C6orf132: variants seen among roughly 807,000 people sequenced by gnomAD.
C6orf132 encodes the protein chromosome 6 open reading frame 132.
In C6orf132, 43 loss-of-function variants were observed where a neutral mutation model predicts 65.3. That is an observed-to-expected ratio of 0.66 (90% CI 0.52 to 0.85). C6orf132 has a LOEUF of 0.85. Ranked by LOEUF, C6orf132 falls within the 40% of genes least tolerant of loss-of-function variation. C6orf132 has a pLI of 0.00. For synonymous variants in C6orf132, 631 were observed against 654.1 expected, an observed-to-expected ratio of 0.96 and a Z score of 0.54; for missense variants, 1,488 against 1,548.8, an observed-to-expected ratio of 0.96 and a Z score of 0.66.
chr6:42,107,825 G>A (rs1766438302), intron 3 of C6orf132, among the ~76,000 whole-genome samples: 1 of 152,106 alleles, frequency 6.6e-6, no homozygotes, highest in Non-Finnish European at 1.5e-5. Context: ...AGCCTGTATG[G>A]AATTACCTCC....
chr6:42,134,779 A>T (rs1421508950), intron 1 of C6orf132, among the ~76,000 whole-genome samples: 1 of 148,754 alleles, frequency 6.7e-6, no homozygotes, highest in East Asian at 2.0e-4. Flanking sequence ...CATCTCAAAA[A>T]AAAAAAAAAA....
intron 2 of C6orf132, among the ~76,000 whole-genome samples, chr6:42,111,278 A>AT (rs61241413): frequency 0.058 from 6,918 of 119,926 alleles, 791 homozygotes; most frequent in African/African-American, 0.21. Context: ...TTCCTGGCTA[A>AT]TTTTTTTTTT....
In C6orf132 at chr6:42,127,591, A is replaced by G. The variant is rs4714568; in HGVS notation, c.252+1081T>C. 7.0e-3 allele frequency among the ~76,000 whole-genome samples: 1,068 copies of G among 152,306 alleles called. 36 individuals are homozygous for G. Among genetic ancestry groups the G allele is most frequent in the Admixed American group, 0.064 (974 of 15,300 alleles). On this transcript the variant is annotated intron_variant, in intron 2 of 4. Transcript: ENST00000341865. Reference sequence around the variant, plus strand: ...GTCTAACAGGCCCCTGAGAGCTCAGACCAGGGCAAGGGGCCTTTCAGTCCA... The same window carrying G: ...GTCTAACAGGCCCCTGAGAGCTCAGGCCAGGGCAAGGGGCCTTTCAGTCCA...
At chr6:42,136,063 G>T (rs1343414536) in intron 1 of C6orf132, among the ~76,000 whole-genome samples, 1 of 151,092 alleles carries the variant, frequency 6.6e-6, no homozygotes, top group Non-Finnish European at 1.5e-5. Context: ...GTATACATAT[G>T]TAACTAACCT....
chr6:42,142,085 G>T (rs1767043371), intron 1 of C6orf132, among the ~76,000 whole-genome samples: 1 of 150,714 alleles, frequency 6.6e-6, no homozygotes, highest in South Asian at 2.1e-4. Flanking sequence ...CCGTGGTGGT[G>T]GGGGGGGTCC....
At position 42,106,711 on chromosome 6, in the gene C6orf132, GTGC is replaced by G; in HGVS notation, c.1198_1200del (p.Ala400del). ...GGGGGTGCTGGGGGAGGGAGGGGGG[GTGC>G]AGGAGGGGGCAGGGGAGGGGCTGGA... On this transcript the variant is annotated inframe_deletion, in exon 4 of 5. Coordinates refer to ENST00000341865, the MANE Select transcript of C6orf132 (RefSeq NM_001164446.3). 1.5e-6 allele frequency: 1 copy of G among 674,348 alleles called. No individual in the cohort carries two copies. Among genetic ancestry groups the G allele is most frequent in the Admixed American group, 2.5e-5 (1 of 39,482 alleles). 41.8% of individuals were successfully genotyped at this position (674,348 alleles called of 1,614,324 possible).
At chr6:42,129,351 G>A (rs1028568772) in intron 1 of C6orf132, among the ~76,000 whole-genome samples, 5 of 152,156 alleles carry the variant, frequency 3.3e-5, no homozygotes, top group Non-Finnish European at 2.9e-5. Context: ...CAGAAAAAAC[G>A]GGACAGTAGG....
In C6orf132 at chr6:42,105,433, G is replaced by A. The variant is rs1275478180; in HGVS notation, c.2479C>T (p.Pro827Ser). ...CGCTCCACCACCTCCCCAGTCACCG[G>A]GTGCCTGAGGAGTTCATCAGTGGGC... ...AQPTDELLRHPVTGEVVERGS... is the reference protein window; with the variant it reads ...AQPTDELLRHSVTGEVVERGS... The change falls in exon 4 of 5, where the codon CCG becomes TCG. Residue 827 changes from proline to serine, a missense_variant. Coordinates refer to ENST00000341865, the MANE Select transcript of C6orf132 (RefSeq NM_001164446.3). 1 of 1,535,214 alleles carries A rather than the reference G, an allele frequency of 6.5e-7. No homozygotes were observed. The highest frequency in any genetic ancestry group is 2.0e-5 in the Admixed American group (1 of 50,982).
intron 1 of C6orf132, among the ~76,000 whole-genome samples, chr6:42,130,491 G>T (rs569815384): frequency 6.6e-6 from 1 of 152,310 alleles, no homozygotes; most frequent in African/African-American, 2.4e-5. Context: ...TAGACCTGAC[G>T]TGATGTGGCT....
chr6:42,115,587 A>C (rs955424976), intron 2 of C6orf132, among the ~76,000 whole-genome samples: 10 of 152,136 alleles, frequency 6.6e-5, no homozygotes, highest in Admixed American at 1.3e-4. Flanking sequence ...CGGAGCTTGC[A>C]GTGAGCCGAG....
intron 1 of C6orf132, among the ~76,000 whole-genome samples, chr6:42,132,469 T>C (rs1766869046): frequency 6.6e-6 from 1 of 151,038 alleles, no homozygotes; most frequent in Non-Finnish European, 1.5e-5. Flanking sequence ...GAGCCAAGAT[T>C]GCGCCACTGC....
rs747367058 is a variant in C6orf132, at chr6:42,106,612, G to T, written c.1300C>A (p.Pro434Thr). ...AHPPAGFTKTPKSSSPALKPK... is the reference protein window; with the variant it reads ...AHPPAGFTKTTKSSSPALKPK... ...TTGAGAGCAGGAGAGCTGGATTTAGGGGTTTTTGTAAACCCAGCAGGTGGA... is the reference window on the plus strand; with the variant it reads ...TTGAGAGCAGGAGAGCTGGATTTAGTGGTTTTTGTAAACCCAGCAGGTGGA... Residue 434 changes from proline (P) to threonine (T), a missense_variant, in exon 4 of 5, where the codon CCT (proline) becomes ACT (threonine). Pro to Thr is a conservative substitution (Grantham distance 38, BLOSUM62 -1). Transcript: ENST00000341865. 1.3e-6 allele frequency: 2 copies of T among 1,535,292 alleles called. No individual in the cohort carries two copies. The highest frequency in any genetic ancestry group is 2.4e-5 in the South Asian group (2 of 83,980).
chr6:42,142,186 G>A lies in C6orf132; in HGVS notation c.145+114C>T, dbSNP rs903352517. The A allele has an allele frequency of 3.6e-5, 45 of 1,246,826 alleles. No individual in the cohort carries two copies. The Admixed American group carries it at 8.9e-4, about 25-fold the overall frequency. The allele number at this position is 1,246,826 out of a possible 1,614,324, so 77.2% of individuals were successfully genotyped here. A position where few individuals can be genotyped will look rare whatever the true frequency, so the allele number is the denominator to read the frequency against. ...CCTGCCCGGCGGCTGCTCTCGGCCA[G>A]TCCGCAGGTTCCAACGTGTCCCTCC... On this transcript the variant is annotated intron_variant, in intron 1 of 4. Transcript: ENST00000341865.
chr6:42,114,431 TGGGCC>T (rs1766536236), intron 2 of C6orf132, among the ~76,000 whole-genome samples: 1 of 90,836 alleles, frequency 1.1e-5, no homozygotes, highest in South Asian at 3.9e-4. Context: ...TGGGCCCACA[TGGGCC>T]CACATGGGCT....
intron 1 of C6orf132, among the ~76,000 whole-genome samples, 153 bp from the exon 2 acceptor site, chr6:42,128,931 T>C (rs760432701): frequency 6.6e-6 from 1 of 152,166 alleles, no homozygotes; most frequent in Admixed American, 6.5e-5. Context: ...CATAATCAGA[T>C]CTTATGGATG....
intron 2 of C6orf132, among the ~76,000 whole-genome samples, chr6:42,125,517 C>A (rs530143592): frequency 6.6e-6 from 1 of 152,162 alleles, no homozygotes; most frequent in Admixed American, 6.5e-5. Flanking sequence ...TAGCCAGCAC[C>A]GAGGGAACGA....
intron 1 of C6orf132, among the ~76,000 whole-genome samples, chr6:42,134,782 A>G (rs1766913418): frequency 6.6e-6 from 1 of 150,822 alleles, no homozygotes; most frequent in African/African-American, 2.4e-5. Flanking sequence ...CTCAAAAAAA[A>G]AAAAAAAAAG....
Position 42,106,532 on chromosome 6 carries a change from G to T in C6orf132, c.1380C>A (p.Asp460Glu). 1 of 1,536,340 alleles carries T rather than the reference G, an allele frequency of 6.5e-7. No individual in the cohort carries two copies. The highest frequency in any genetic ancestry group is 1.2e-5 in the South Asian group (1 of 84,036). Residue 460 changes from aspartate to glutamate, a missense_variant, in exon 4 of 5, where the codon GAC (aspartate) becomes GAA (glutamate). Asp to Glu is a conservative substitution (Grantham distance 45, BLOSUM62 2). Coordinates refer to ENST00000341865, the MANE Select transcript of C6orf132 (RefSeq NM_001164446.3). ...TTTCCATCTGGCTGGGGTCCCTCCA[G>T]TCCACAGGTGCTGAAGACGCTGTGT... The part of the protein sequence containing the change: ...PENTASSAPV[D>E]WRDPSQMEKL...
chr6:42,104,822 C>T lies in C6orf132; in HGVS notation c.3090G>A (p.Ala1030=). The change falls in exon 4 of 5, where the codon GCG becomes GCA. Residue 1030 remains alanine, a synonymous_variant. Transcript: ENST00000341865. The surrounding 1 kb of genome is among the most constrained non-coding windows in gnomAD (Gnocchi z 4.1). ...AGCGCGAGAAGCCGAGAGCCGGGGG[C>T]GCCCCGGGGCCAGCGTTCGGGAGCT... The part of the protein sequence containing the change: ...LRQLPNAGPG[A]PPALGFSRFP... 2 of 1,463,694 alleles carry T rather than the reference C, an allele frequency of 1.4e-6. No homozygotes were observed. The highest frequency in any genetic ancestry group is 1.8e-6 in the Non-Finnish European group (2 of 1,114,808). The allele number at this position is 1,463,694 out of a possible 1,614,324, so 90.7% of individuals were successfully genotyped here.
Sources: gnomAD v4.1 joint callset for allele counts (sites outside exome capture counted in the v4.1 genomes callset) on GRCh38, gnomAD v4.1.1 for gene constraint, Gnocchi (gnomAD v3.1) non-coding constraint, MANE v1.5 for transcripts, NCBI Gene and HGNC (gene_info 2026-07-23, HGNC 2026-07-21) for gene names.